WWP2: variants seen among roughly 807,000 people sequenced by gnomAD.
WWP2 encodes the protein NEDD4-like E3 ubiquitin-protein ligase WWP2.
Under a neutral mutation model 121.0 loss-of-function variants are expected in WWP2, and 57 were observed. That is an observed-to-expected ratio of 0.47 (90% CI 0.38 to 0.59). The LOEUF (loss-of-function observed/expected upper bound fraction) is 0.59. Ranked by LOEUF, WWP2 falls within the 20% of genes least tolerant of loss-of-function variation. The pLI, the probability that WWP2 is intolerant of heterozygous loss-of-function variation, is 0.00. For missense variants in WWP2, 962 were observed against 1,158.9 expected, an observed-to-expected ratio of 0.83 and a Z score of 2.47; for synonymous variants, 449 against 441.3, an observed-to-expected ratio of 1.02 and a Z score of -0.22.
intron 7 of WWP2, among the ~76,000 whole-genome samples, chr16:69,876,387 TG>T (rs1196006332): frequency 6.6e-6 from 1 of 151,102 alleles, no homozygotes; most frequent in Non-Finnish European, 1.5e-5. Context: ...GTTTTTGAGA[TG>T]CAGTCTCACT....
intron 9 of WWP2, chr16:69,909,338 G>C: frequency 1.0e-6 from 1 of 986,316 alleles, no homozygotes; most frequent in South Asian, 4.7e-5. Flanking sequence ...TCTGCTCCAA[G>C]AAAGAATCAC....
At chr16:69,798,158 T>C (rs1480384594) in intron 2 of WWP2, among the ~76,000 whole-genome samples, 1 of 152,238 alleles carries the variant, frequency 6.6e-6, no homozygotes, top group Non-Finnish European at 1.5e-5. Flanking sequence ...GGTTTACCTT[T>C]CTTGGAAAGG....
rs2056106370 is a variant in WWP2, at chr16:69,798,955, G to T, written c.218+126G>T. Reference sequence around the variant, plus strand: ...ACTTTTTCTACCTATGGTACCCAAGGTGACTCTTTTTAGGTGTTCCTACAC... The same window carrying T: ...ACTTTTTCTACCTATGGTACCCAAGTTGACTCTTTTTAGGTGTTCCTACAC... On this transcript the variant is annotated intron_variant, in intron 3 of 23. Transcript: ENST00000359154. 7 of 1,439,170 alleles carry T rather than the reference G, an allele frequency of 4.9e-6. No individual in the cohort carries two copies. The East Asian group carries it at 1.1e-4, about 24-fold the overall frequency. The allele number at this position is 1,439,170 out of a possible 1,614,324, so 89.2% of individuals were successfully genotyped here.
At chr16:69,847,810 C>T (rs2057113460) in intron 6 of WWP2, among the ~76,000 whole-genome samples, 1 of 152,142 alleles carries the variant, frequency 6.6e-6, no homozygotes, top group Non-Finnish European at 1.5e-5. Context: ...ACCCCCATGA[C>T]CTAAACACCT....
intron 6 of WWP2, among the ~76,000 whole-genome samples, chr16:69,850,108 C>T (rs530451618): frequency 2.1e-4 from 32 of 152,070 alleles, no homozygotes; most frequent in Non-Finnish European, 3.7e-4. Flanking sequence ...AAAAGTCGGC[C>T]GGGCGCAGTG....
intron 17 of WWP2, among the ~76,000 whole-genome samples, chr16:69,934,921 G>A (rs2058772588): frequency 6.6e-6 from 1 of 152,212 alleles, no homozygotes; most frequent in African/African-American, 2.4e-5. Flanking sequence ...CTGCCTCCTG[G>A]TGAACAGTAG....
chr16:69,818,579 A>G (rs2056538325), intron 4 of WWP2, among the ~76,000 whole-genome samples: 1 of 152,174 alleles, frequency 6.6e-6, no homozygotes, highest in Non-Finnish European at 1.5e-5. Context: ...CAAGGTCGCC[A>G]GTGACCTCCG....
chr16:69,872,374 G>T (rs1306398196), intron 7 of WWP2, among the ~76,000 whole-genome samples: 1 of 151,964 alleles, frequency 6.6e-6, no homozygotes, highest in East Asian at 1.9e-4. Flanking sequence ...CCACTGCCAC[G>T]CCCGGCTAAT....
At position 69,937,474 on chromosome 16, in the gene WWP2, A is replaced by G. The variant is rs1597191914; in HGVS notation, c.2239-74A>G. 6.7e-7 allele frequency: 1 copy of G among 1,501,528 alleles called. No homozygotes were observed. The highest frequency in any genetic ancestry group is 2.3e-5 in the East Asian group (1 of 44,180). The allele number at this position is 1,501,528 out of a possible 1,614,324, so 93.0% of individuals were successfully genotyped here. ...ATAGCTAGTTGAATATGTTTGGGGT[A>G]ATGTCAAGTGCTAGCGAGTGGACGA... is the stretch of plus-strand genomic sequence containing the variant. On this transcript the variant is annotated intron_variant, in intron 20 of 23. Coordinates refer to ENST00000359154, the MANE Select transcript of WWP2 (RefSeq NM_001270454.2). The surrounding 1 kb of genome is among the most constrained non-coding windows in gnomAD (Gnocchi z 6.6).
chr16:69,846,049 C>CAAAAAAAAAAAAAAAAAAAAAAAAAAAA (rs57201672), intron 6 of WWP2, among the ~76,000 whole-genome samples: 1 of 45,596 alleles, frequency 2.2e-5, no homozygotes, highest in Non-Finnish European at 3.6e-5. Flanking sequence ...GACTCCATCT[C>CAAAAAAAAAAAAAAAAAAAAAAAAAAAA]AAAAAAAAAA....
At chr16:69,843,088 G>A (rs1483816188) in intron 6 of WWP2, among the ~76,000 whole-genome samples, 1 of 152,110 alleles carries the variant, frequency 6.6e-6, no homozygotes, top group African/African-American at 2.4e-5. Flanking sequence ...CTGTTGAACA[G>A]GAAACTTGAC....
chr16:69,880,190 G>C (rs766198913), intron 7 of WWP2, among the ~76,000 whole-genome samples: 1 of 151,238 alleles, frequency 6.6e-6, no homozygotes, highest in Non-Finnish European at 1.5e-5. Flanking sequence ...TATATAAAAT[G>C]AGGACTGGGT....
chr16:69,900,874 A>G (rs1247583617), intron 8 of WWP2, among the ~76,000 whole-genome samples: 1 of 152,154 alleles, frequency 6.6e-6, no homozygotes, highest in East Asian at 1.9e-4. Context: ...AAAAGATAAG[A>G]AGAAAGACTT....
chr16:69,801,197 AG>A (rs200654237), intron 4 of WWP2, among the ~76,000 whole-genome samples: 64 of 145,822 alleles, frequency 4.4e-4, no homozygotes, highest in Middle Eastern at 3.6e-3. Flanking sequence ...AAAAAAAAAA[AG>A]CAATTTTACT....
At chr16:69,895,745 G>C (rs943666842) in intron 8 of WWP2, among the ~76,000 whole-genome samples, 1 of 152,180 alleles carries the variant, frequency 6.6e-6, no homozygotes, top group South Asian at 2.1e-4. Flanking sequence ...GGATGACTGA[G>C]TGAGACCCTG....
In WWP2 at chr16:69,937,375, C is replaced by T; in HGVS notation, c.2238+137C>T. The T allele has an allele frequency of 7.0e-7, 1 of 1,438,218 alleles. No homozygotes were observed. Among genetic ancestry groups the T allele is most frequent in the Non-Finnish European group, 9.4e-7 (1 of 1,068,836 alleles). 89.1% of individuals were successfully genotyped at this position (1,438,218 alleles called of 1,614,324 possible). A position where few individuals can be genotyped will look rare whatever the true frequency, so the allele number is the denominator to read the frequency against. Reference sequence around the variant, plus strand: ...AGGGCAGATGGGTTTGATTTGGGACCCACCCTTCCCCAGACACTTGTTTCA... The same window carrying T: ...AGGGCAGATGGGTTTGATTTGGGACTCACCCTTCCCCAGACACTTGTTTCA... On this transcript the variant is annotated intron_variant, in intron 20 of 23. Transcript: ENST00000359154. This position sits in a 1 kb window ranked among gnomAD's most constrained non-coding sequence, Gnocchi z 6.6.
In WWP2 at chr16:69,917,803, C is replaced by T. The variant is rs2058498217; in HGVS notation, c.1099C>T (p.Arg367Cys). Residue 367 changes from arginine (R) to cysteine (C), a missense_variant, in exon 10 of 24, where the codon CGC becomes TGC. Around this residue, in one of 3 missense-constraint regions of WWP2, gnomAD observed 606 missense variants for 772.6 expected, o/e 0.78. Transcript: ENST00000359154. Reference protein sequence around the residue: ...TWQRPTAEYVRNYEQWQSQRN... With the variant: ...TWQRPTAEYVCNYEQWQSQRN... ...GCAGCGTCCGACCGCGGAGTACGTG[C>T]GCAACTATGAGCAGTGGCAGTCGCA... The T allele has an allele frequency of 3.7e-6, 6 of 1,614,096 alleles. No homozygotes were observed. Among genetic ancestry groups the T allele is most frequent in the Non-Finnish European group, 5.1e-6 (6 of 1,179,932 alleles).
chr16:69,829,130 C>A (rs1453438865), intron 4 of WWP2, among the ~76,000 whole-genome samples: 1 of 152,180 alleles, frequency 6.6e-6, no homozygotes, highest in Non-Finnish European at 1.5e-5. Context: ...TTTCTAATCT[C>A]TTTTCAGATT....
At chr16:69,843,953 A>T (rs1463648963) in intron 6 of WWP2, among the ~76,000 whole-genome samples, 3 of 152,242 alleles carry the variant, frequency 2.0e-5, no homozygotes, top group Non-Finnish European at 2.9e-5. Context: ...CAATACCCGC[A>T]GCATCTTAAA....
Sources: allele counts gnomAD v4.1 joint callset (sites outside exome capture counted in the v4.1 genomes callset), GRCh38; gene constraint gnomAD v4.1.1; regional missense constraint gnomAD v4.1.1; non-coding constraint Gnocchi (gnomAD v3.1); transcripts MANE v1.5; gene names NCBI Gene and HGNC (gene_info 2026-07-23, HGNC 2026-07-21).